The following PTPRN2 variants were observed in gnomAD, a reference collection of about 807,000 sequenced individuals.
PTPRN2 encodes protein tyrosine phosphatase receptor type N2.
A neutral mutation model predicts 118.8 loss-of-function variants in PTPRN2; 74 were observed. That is an observed-to-expected ratio of 0.62 (90% CI 0.52 to 0.76). The LOEUF (loss-of-function observed/expected upper bound fraction) is 0.76. Among genes scored for constraint, PTPRN2 ranks in the 30% least tolerant of loss-of-function variants. The pLI, the probability that PTPRN2 is intolerant of heterozygous loss-of-function variation, is 0.00. For missense variants in PTPRN2, 1,481 were observed against 1,394.4 expected, an observed-to-expected ratio of 1.06 and a Z score of -0.99; for synonymous variants, 641 against 608.0, an observed-to-expected ratio of 1.05 and a Z score of -0.80.
intron 11 of PTPRN2, among the ~76,000 whole-genome samples, chr7:157,935,207 G>A (rs1799623403): frequency 6.6e-6 from 1 of 152,162 alleles, no homozygotes; most frequent in South Asian, 2.1e-4. Flanking sequence ...AGGGTTGCTG[G>A]TTTTGAATAT....
chr7:158,492,830 G>T (rs1301775942), intron 1 of PTPRN2, among the ~76,000 whole-genome samples: 1 of 152,206 alleles, frequency 6.6e-6, no homozygotes. Context: ...CCCAGCCCAG[G>T]CGCCTCGGGC....
chr7:158,067,898 C>T (rs944924387), intron 11 of PTPRN2, among the ~76,000 whole-genome samples: 1 of 152,100 alleles, frequency 6.6e-6, no homozygotes, highest in Admixed American at 6.5e-5. Flanking sequence ...CCAGGGCAGG[C>T]CGGGTCATGG....
At chr7:157,623,373 T>C (rs1803381378) in intron 14 of PTPRN2, among the ~76,000 whole-genome samples, 1 of 152,174 alleles carries the variant, frequency 6.6e-6, no homozygotes, top group Non-Finnish European at 1.5e-5. Flanking sequence ...AGGTCGAAAA[T>C]GGTTCCTGGC....
At chr7:157,565,336 A>G (rs1799431317) in intron 21 of PTPRN2, among the ~76,000 whole-genome samples, 1 of 152,176 alleles carries the variant, frequency 6.6e-6, no homozygotes, top group East Asian at 1.9e-4. Context: ...AGCCGTGGGG[A>G]TTCATATTGG....
intron 22 of PTPRN2, among the ~76,000 whole-genome samples, chr7:157,541,513 G>A (rs867385087): frequency 3.9e-5 from 6 of 152,262 alleles, no homozygotes; most frequent in East Asian, 1.9e-4. Flanking sequence ...GCTTAGCGCC[G>A]GAGAGCGTAT....
intron 11 of PTPRN2, among the ~76,000 whole-genome samples, chr7:157,998,713 C>T: frequency 6.6e-6 from 1 of 151,438 alleles, no homozygotes; most frequent in African/African-American, 2.4e-5. Flanking sequence ...ATCCCAGCTA[C>T]TCGGGATGCT....
chr7:157,653,093 C>G (rs1805780358), intron 14 of PTPRN2, among the ~76,000 whole-genome samples: 1 of 152,256 alleles, frequency 6.6e-6, no homozygotes, highest in Admixed American at 6.5e-5. Context: ...AGTCTCCGCT[C>G]TTGGTGCTGA....
intron 12 of PTPRN2, among the ~76,000 whole-genome samples, chr7:157,749,641 G>A (rs1197268115): frequency 1.5e-5 from 2 of 136,522 alleles, no homozygotes; most frequent in African/African-American, 5.7e-5. Context: ...CTGAGCTGTG[G>A]GGTGTCCGGG....
In PTPRN2 at chr7:158,028,384, G is replaced by A. The variant is rs548911693; in HGVS notation, c.1723+52914C>T. On this transcript the variant is annotated intron_variant, in intron 11 of 22. Coordinates refer to ENST00000389418, the MANE Select transcript of PTPRN2 (RefSeq NM_002847.5). ...AAGGGAGCCTGAAGAACAAGGCCAG[G>A]AGAAGCAGCGGCCAGGCCCCACCGG... 5 of 152,690 alleles carry A rather than the reference G, an allele frequency of 3.3e-5. No homozygotes were observed. The East Asian group carries it at 5.8e-4, about 18-fold the overall frequency. The allele number at this position is 152,690 out of a possible 1,614,324, so 9.5% of individuals were successfully genotyped here. A position where few individuals can be genotyped will look rare whatever the true frequency, so the allele number is the denominator to read the frequency against.
At chr7:158,168,084 G>A (rs1018126902) in intron 5 of PTPRN2, among the ~76,000 whole-genome samples, 3 of 152,214 alleles carry the variant, frequency 2.0e-5, no homozygotes, top group African/African-American at 4.8e-5. Context: ...TTCCAGCACA[G>A]CAGCACCACA....
intron 13 of PTPRN2, among the ~76,000 whole-genome samples, chr7:157,667,758 A>G (rs1341702229): frequency 6.6e-6 from 1 of 152,266 alleles, no homozygotes; most frequent in Non-Finnish European, 1.5e-5. Flanking sequence ...CCCACGGGGC[A>G]GCGTTTGTCA....
At chr7:158,247,768 C>T (rs927485523) in intron 3 of PTPRN2, among the ~76,000 whole-genome samples, 3 of 152,162 alleles carry the variant, frequency 2.0e-5, no homozygotes, top group Non-Finnish European at 4.4e-5. Flanking sequence ...AGGCATGCAC[C>T]ACCATGCCTG....
intron 1 of PTPRN2, among the ~76,000 whole-genome samples, chr7:158,516,992 A>T (rs1456143707): frequency 6.6e-6 from 1 of 152,196 alleles, no homozygotes; most frequent in African/African-American, 2.4e-5. Flanking sequence ...ACCGTAGCCC[A>T]GCAGAACCAC....
chr7:158,145,373 A>G (rs997691598), intron 6 of PTPRN2, among the ~76,000 whole-genome samples: 1 of 152,188 alleles, frequency 6.6e-6, no homozygotes, highest in Admixed American at 6.5e-5. Context: ...CCCTCACATC[A>G]TCGTGAGAAG....
rs996259815 is a variant in PTPRN2 at position 157,974,059 on chromosome 7, G to T, written c.1724-75322C>A. On this transcript the variant is annotated intron_variant, in intron 11 of 22. Coordinates refer to ENST00000389418, the MANE Select transcript of PTPRN2 (RefSeq NM_002847.5). The surrounding 1 kb of genome is among the most constrained non-coding windows in gnomAD (Gnocchi z 4.0). ...GCTGTTGACGTTGGCGGGGTAGCAG[G>T]TGTGGCCATAACATGGAGCACAGGC... Among the ~76,000 whole-genome samples, 1 of 152,038 alleles carries T rather than the reference G, an allele frequency of 6.6e-6. No individual in the cohort carries two copies. The highest frequency in any genetic ancestry group is 2.4e-5 in the African/African-American group (1 of 41,284).
intron 5 of PTPRN2, among the ~76,000 whole-genome samples, chr7:158,186,796 C>T (rs1208917515): frequency 6.6e-6 from 1 of 152,242 alleles, no homozygotes; most frequent in Non-Finnish European, 1.5e-5. Flanking sequence ...ATATTTTTTG[C>T]TTGCTTGTTT....
chr7:158,280,651 C>G lies in PTPRN2; in HGVS notation c.277+36168G>C, dbSNP rs115910836. On this transcript the variant is annotated intron_variant, in intron 3 of 22. Coordinates refer to ENST00000389418, the MANE Select transcript of PTPRN2 (RefSeq NM_002847.5). ...CTGGGGGAGCCGGACGGGTGCGGCC[C>G]GACACTGCGTAGAGACGCGGCCGTG... is the stretch of plus-strand genomic sequence containing the variant. 9.3e-3 allele frequency among the ~76,000 whole-genome samples: 1,423 copies of G among 152,286 alleles called. 19 individuals are homozygous for G. Among genetic ancestry groups the G allele is most frequent in the African/African-American group, 0.033 (1,354 of 41,552 alleles).
intron 12 of PTPRN2, among the ~76,000 whole-genome samples, chr7:157,697,243 T>A (rs866638051): frequency 2.3e-5 from 3 of 128,308 alleles, no homozygotes; most frequent in South Asian, 2.9e-4. Context: ...GCCCTCACCA[T>A]CTACCCATGC....
intron 2 of PTPRN2, among the ~76,000 whole-genome samples, chr7:158,393,406 G>C (rs542053767): frequency 6.6e-6 from 1 of 152,266 alleles, no homozygotes; most frequent in East Asian, 1.9e-4. Flanking sequence ...TTCGCTCTGG[G>C]AGACGCCTTG....
Sources: gnomAD v4.1 joint callset for allele counts (sites outside exome capture counted in the v4.1 genomes callset) on GRCh38, gnomAD v4.1.1 for gene constraint, Gnocchi (gnomAD v3.1) non-coding constraint, MANE v1.5 for transcripts, NCBI Gene and HGNC (gene_info 2026-07-23, HGNC 2026-07-21) for gene names.